DAAM1: variants seen among roughly 807,000 people sequenced by gnomAD.
The protein encoded by DAAM1 is disheveled-associated activator of morphogenesis 1.
DAAM1 carries 52 observed loss-of-function variants against 130.0 expected under a neutral mutation model. That is an observed-to-expected ratio of 0.40 (90% CI 0.32 to 0.50). The LOEUF (loss-of-function observed/expected upper bound fraction) is 0.50, where lower values mean the gene tolerates loss of function less well. DAAM1 is among the 20% of genes least tolerant of loss of function. The pLI, the probability that DAAM1 is intolerant of heterozygous loss-of-function variation, is 0.61. For synonymous variants in DAAM1, 452 were observed against 444.5 expected, an observed-to-expected ratio of 1.02 and a Z score of -0.21; for missense variants, 1,134 against 1,303.8, an observed-to-expected ratio of 0.87 and a Z score of 2.01.
intron 1 of DAAM1, among the ~76,000 whole-genome samples, chr14:59,226,057 A>T (rs1483386241): frequency 6.7e-6 from 1 of 148,724 alleles, no homozygotes; most frequent in Non-Finnish European, 1.5e-5. Flanking sequence ...CCTGATGATA[A>T]TTTTTTTTTT....
At chr14:59,205,713 C>T (rs561334711) in intron 1 of DAAM1, among the ~76,000 whole-genome samples, 17 of 152,242 alleles carry the variant, frequency 1.1e-4, no homozygotes, top group South Asian at 6.2e-4. Context: ...TTTTTAAAAA[C>T]GCAACACTTT....
intron 1 of DAAM1, among the ~76,000 whole-genome samples, chr14:59,236,084 A>G (rs958533590): frequency 1.3e-5 from 2 of 151,948 alleles, no homozygotes; most frequent in Admixed American, 1.3e-4. Context: ...GTTCCCCCCA[A>G]CCCACTTTAT....
chr14:59,233,399 G>A (rs967348464), intron 1 of DAAM1, among the ~76,000 whole-genome samples: 1 of 152,120 alleles, frequency 6.6e-6, no homozygotes, highest in African/African-American at 2.4e-5. Context: ...GTGATGATGA[G>A]ATTTTTTTCC....
At chr14:59,247,796 G>A (rs1040174175) in intron 1 of DAAM1, among the ~76,000 whole-genome samples, 2 of 150,676 alleles carry the variant, frequency 1.3e-5, no homozygotes, top group Admixed American at 1.3e-4. Context: ...AATGGGTTTT[G>A]GTATCTTATT....
Position 59,271,636 on chromosome 14 carries a change from A to G in DAAM1, c.183+7976A>G, listed in dbSNP as rs533669460. ...GTCATTTTGATATGAAAGGAGCTAC[A>G]GGAACCCAAATGAGTCCTAAGGATA... On this transcript the variant is annotated intron_variant, in intron 2 of 24. Transcript: ENST00000360909. Among the ~76,000 whole-genome samples, 4 of 152,330 alleles carry G rather than the reference A, an allele frequency of 2.6e-5. No individual in the cohort carries two copies. The East Asian group carries it at 5.8e-4, about 22-fold the overall frequency.
At chr14:59,229,990 C>A (rs1174267902) in intron 1 of DAAM1, among the ~76,000 whole-genome samples, 1 of 152,224 alleles carries the variant, frequency 6.6e-6, no homozygotes, top group Non-Finnish European at 1.5e-5. Flanking sequence ...AAATTTAGCA[C>A]TGTCAACCTA....
At chr14:59,305,607 C>T (rs1212009972) in intron 3 of DAAM1, among the ~76,000 whole-genome samples, 1 of 152,126 alleles carries the variant, frequency 6.6e-6, no homozygotes, top group Non-Finnish European at 1.5e-5. Flanking sequence ...ATGTATTCCC[C>T]CACATCCCCT....
At chr14:59,263,848 A>G in intron 2 of DAAM1, 188 bp downstream of exon 2, 1 of 702,250 alleles carries the variant, frequency 1.4e-6, no homozygotes. Flanking sequence ...AGAAGAGGGT[A>G]GTATTACTAC....
intron 3 of DAAM1, among the ~76,000 whole-genome samples, chr14:59,304,112 C>T (rs928902576): frequency 6.6e-6 from 1 of 152,080 alleles, no homozygotes; most frequent in Non-Finnish European, 1.5e-5. Context: ...ATGGTATGGC[C>T]CATACTTTCA....
At chr14:59,222,221 A>C (rs1023113138) in intron 1 of DAAM1, among the ~76,000 whole-genome samples, 1 of 152,178 alleles carries the variant, frequency 6.6e-6, no homozygotes. Flanking sequence ...GTGGTCTGTG[A>C]AGTGAGTTGC....
chr14:59,190,962 A>G (rs181708077), intron 1 of DAAM1, among the ~76,000 whole-genome samples: 1 of 152,352 alleles, frequency 6.6e-6, no homozygotes, highest in Admixed American at 6.5e-5. Flanking sequence ...CCTTCTAATT[A>G]TACTTTAGTA....
intron 3 of DAAM1, among the ~76,000 whole-genome samples, chr14:59,298,596 T>C (rs552954374): frequency 1.3e-5 from 2 of 152,302 alleles, no homozygotes; most frequent in Admixed American, 1.3e-4. Context: ...TTCCTTTTTA[T>C]TGCAAAAAAG....
chr14:59,304,034 G>T (rs1475547899), intron 3 of DAAM1, among the ~76,000 whole-genome samples: 1 of 152,324 alleles, frequency 6.6e-6, no homozygotes, highest in East Asian at 1.9e-4. Context: ...ATTATAGTCA[G>T]ATTCAAGTAC....
chr14:59,203,525 A>T (rs917432327), intron 1 of DAAM1, among the ~76,000 whole-genome samples: 1 of 152,180 alleles, frequency 6.6e-6, no homozygotes, highest in Non-Finnish European at 1.5e-5. Context: ...TGTTATCTTC[A>T]TGTACATCTC....
intron 2 of DAAM1, among the ~76,000 whole-genome samples, chr14:59,267,250 C>G (rs186692034): frequency 7.6e-4 from 116 of 152,294 alleles, no homozygotes; most frequent in African/African-American, 2.6e-3. Context: ...TCATGAGTCA[C>G]TCATTTGATG....
chr14:59,305,674 G>A (rs1884350676), intron 3 of DAAM1, among the ~76,000 whole-genome samples: 2 of 152,042 alleles, frequency 1.3e-5, no homozygotes, highest in Admixed American at 1.3e-4. Context: ...GAAAGAAGAG[G>A]GTGTTGGAGC....
chr14:59,327,886 G>A (rs2139629349), intron 12 of DAAM1, among the ~76,000 whole-genome samples: 1 of 152,294 alleles, frequency 6.6e-6, no homozygotes, highest in Admixed American at 6.5e-5. Flanking sequence ...TCAAATGATA[G>A]GAGAGACATT....
chr14:59,283,400 A>G (rs1399283470), intron 2 of DAAM1, among the ~76,000 whole-genome samples: 2 of 152,146 alleles, frequency 1.3e-5, no homozygotes, highest in Non-Finnish European at 2.9e-5. Flanking sequence ...CATTTTAAAC[A>G]TGTTCCCTCA....
intron 1 of DAAM1, among the ~76,000 whole-genome samples, chr14:59,201,486 T>C (rs1255701649): frequency 1.3e-5 from 2 of 150,898 alleles, no homozygotes. Context: ...GTGGTGGCTG[T>C]TGCCTGTAAT....
Sources: gnomAD v4.1 joint callset for allele counts (sites outside exome capture counted in the v4.1 genomes callset) on GRCh38, gnomAD v4.1.1 for gene constraint, MANE v1.5 for transcripts, NCBI Gene and HGNC (gene_info 2026-07-23, HGNC 2026-07-21) for gene names.